TGFBRAP1: variants seen among roughly 807,000 people sequenced by gnomAD.
TGFBRAP1 encodes the protein transforming growth factor-beta receptor-associated protein 1.
TGFBRAP1 carries 20 observed loss-of-function variants against 83.2 expected under a neutral mutation model. The ratio of observed to expected loss-of-function variants is 0.24; its 90% confidence interval spans 0.17 to 0.35. The LOEUF (loss-of-function observed/expected upper bound fraction) is 0.35, where lower values mean the gene tolerates loss of function less well. Ranked by LOEUF, TGFBRAP1 falls within the 10% of genes least tolerant of loss-of-function variation. TGFBRAP1 has a pLI of 1.00. For missense variants in TGFBRAP1, 950 were observed against 1,099.4 expected, an observed-to-expected ratio of 0.86 and a Z score of 1.92; for synonymous variants, 415 against 459.8, an observed-to-expected ratio of 0.90 and a Z score of 1.25.
chr2:105,273,079 C>T, intron 9 of TGFBRAP1, 65 bp from the exon 10 acceptor site: 1 of 1,572,770 alleles, frequency 6.4e-7, no homozygotes, highest in East Asian at 2.2e-5. Context: ...CAAAGCTCTC[C>T]CCTGTCAGCC....
At position 105,269,506 on chromosome 2, in the gene TGFBRAP1, C is replaced by T. The variant is rs760265735; in HGVS notation, c.2172G>A (p.Leu724=). 3 of 1,613,062 alleles carry T rather than the reference C, an allele frequency of 1.9e-6. No individual in the cohort carries two copies. Among genetic ancestry groups the T allele is most frequent in the Non-Finnish European group, 2.5e-6 (3 of 1,179,550 alleles). Residue 724 remains leucine (L), a synonymous_variant, in exon 11 of 12, where the codon CTG becomes CTA. Transcript: ENST00000393359. The surrounding 1 kb of genome is among the most constrained non-coding windows in gnomAD (Gnocchi z 4.1). ...QLFHTLLAIY[L]HAGPTAHELA... ...GCTCGTGGGCAGTGGGGCCAGCATG[C>T]AGGTAGATGGCCAGCAGCGTGTGAA... is the stretch of plus-strand genomic sequence containing the variant.
rs1397987309 is a variant in TGFBRAP1, at chr2:105,269,298, C to T, written c.2380G>A (p.Glu794Lys). 8 of 1,609,752 alleles carry T rather than the reference C, an allele frequency of 5.0e-6. No individual in the cohort carries two copies. Among genetic ancestry groups the T allele is most frequent in the Middle Eastern group, 1.7e-4 (1 of 6,030 alleles). ...TTATCGTAGGTGTAGATTAAGTTTT[C>T]GGACCTGGCCAGGCCGAGAGCCACC... ...MQVALGLARS[E>K]NLIYTYDKMK... is the part of the protein sequence containing the mutation. The change falls in exon 11 of 12, where the codon GAA becomes AAA. Residue 794 changes from glutamate (E) to lysine (K), a missense_variant. Glu to Lys is a moderately conservative substitution (Grantham distance 56). Transcript: ENST00000393359. The surrounding 1 kb of genome is among the most constrained non-coding windows in gnomAD (Gnocchi z 4.1).
chr2:105,269,496 G>A lies in TGFBRAP1; in HGVS notation c.2182C>T (p.Pro728Ser). The change falls in exon 11 of 12, where the codon CCC (proline) becomes TCC (serine). Residue 728 changes from proline to serine, a missense_variant. Pro to Ser is a moderately conservative substitution (Grantham distance 74). Coordinates refer to ENST00000393359, the MANE Select transcript of TGFBRAP1 (RefSeq NM_004257.6). The surrounding 1 kb of genome is among the most constrained non-coding windows in gnomAD (Gnocchi z 4.1). Reference sequence around the variant, plus strand: ...GCCACGGCCAGCTCGTGGGCAGTGGGGCCAGCATGCAGGTAGATGGCCAGC... The same window carrying A: ...GCCACGGCCAGCTCGTGGGCAGTGGAGCCAGCATGCAGGTAGATGGCCAGC... ...TLLAIYLHAG[P>S]TAHELAVAAV... 3 of 1,613,482 alleles carry A rather than the reference G, an allele frequency of 1.9e-6. No homozygotes were observed. Among genetic ancestry groups the A allele is most frequent in the Non-Finnish European group, 2.5e-6 (3 of 1,179,784 alleles).
chr2:105,253,919 C>CT, the TGFBRAP1 span, among the ~76,000 whole-genome samples: 3 of 152,168 alleles, frequency 2.0e-5, no homozygotes, highest in East Asian at 5.8e-4. Flanking sequence ...AGCATCACAA[C>CT]TTTGTGGCCC....
In TGFBRAP1 at chr2:105,267,421, T is replaced by C. The variant is rs185907682; in HGVS notation, c.2545A>G (p.Thr849Ala). ...VHTHCAASRH[T>A]NPSSSSPGTR... The stretch of plus-strand genomic sequence containing the variant: ...CCAGGACTGGATGAGCTGGGGTTTG[T>C]GTGTCTGCTGGCGGCACAGTGGGTG... Residue 849 changes from threonine (T) to alanine (A), a missense_variant, in exon 12 of 12, where the codon ACA becomes GCA. Coordinates refer to ENST00000393359, the MANE Select transcript of TGFBRAP1 (RefSeq NM_004257.6). The C allele has an allele frequency of 1.1e-5, 18 of 1,614,196 alleles. No individual in the cohort carries two copies. The Admixed American group carries it at 1.7e-4, about 15-fold the overall frequency.
At chr2:105,297,676 A>G (rs779425531) in intron 3 of TGFBRAP1, among the ~76,000 whole-genome samples, 2 of 152,232 alleles carry the variant, frequency 1.3e-5, no homozygotes, top group Non-Finnish European at 1.5e-5. Flanking sequence ...AAATCTGAAT[A>G]TTGGCAGGAC....
intron 1 of TGFBRAP1, among the ~76,000 whole-genome samples, chr2:105,312,864 C>A (rs1314038864): frequency 6.6e-6 from 1 of 152,112 alleles, no homozygotes; most frequent in Non-Finnish European, 1.5e-5. Context: ...GTAATCCCAG[C>A]ACTTTGGGAG....
At chr2:105,267,734 T>A (rs1676994890) in intron 11 of TGFBRAP1, 175 bp from the exon 12 acceptor site, 1 of 985,354 alleles carries the variant, frequency 1.0e-6, no homozygotes, top group South Asian at 4.7e-5. Flanking sequence ...AAAACCATCC[T>A]TAGTAACTGG....
At position 105,272,873 on chromosome 2, in the gene TGFBRAP1, G is replaced by A. The variant is rs757045895; in HGVS notation, c.1954C>T (p.Arg652Ter). The A allele has an allele frequency of 8.7e-6, 14 of 1,608,068 alleles. No homozygotes were observed. The highest frequency in any genetic ancestry group is 5.4e-5 in the African/African-American group (4 of 74,718). ...RRLLQKSDLY[R>*]VHFLLERLQG... ...TCCTCACCGAGAAGAAAGTGGACTC[G>A]GTATAAATCAGATTTCTGGAGCAGC... Residue 652 changes from arginine to a stop codon, truncating the protein, a stop_gained, in exon 10 of 12, where the codon CGA (arginine) becomes TGA (stop). Transcript: ENST00000393359. LOFTEE classifies it high-confidence loss of function.
the TGFBRAP1 span, among the ~76,000 whole-genome samples, chr2:105,251,008 A>G: frequency 1.3e-5 from 2 of 151,546 alleles, no homozygotes; most frequent in African/African-American, 2.4e-5. Flanking sequence ...TCGCTACAAC[A>G]TCCACCTCCC....
intron 1 of TGFBRAP1, among the ~76,000 whole-genome samples, chr2:105,328,245 C>G (rs1679275881): frequency 6.6e-6 from 1 of 152,174 alleles, no homozygotes. Flanking sequence ...ACATTCATTA[C>G]CACCACAGAG....
chr2:105,283,639 A>C (rs1468484782), intron 5 of TGFBRAP1, among the ~76,000 whole-genome samples: 3 of 152,176 alleles, frequency 2.0e-5, no homozygotes, highest in South Asian at 2.1e-4. Flanking sequence ...GGGATGGCTA[A>C]CTCCTGCCTC....
At position 105,272,789 on chromosome 2, in the gene TGFBRAP1, C is replaced by G. The variant is rs1677202364; in HGVS notation, c.1972+66G>C. 1.3e-5 allele frequency: 20 copies of G among 1,588,436 alleles called. No individual in the cohort carries two copies. In the South Asian group the frequency reaches 2.2e-4, roughly 18 times the overall value. On this transcript the variant is annotated intron_variant, in intron 10 of 11. Coordinates refer to ENST00000393359, the MANE Select transcript of TGFBRAP1 (RefSeq NM_004257.6). Reference sequence around the variant, plus strand: ...AGCAGCTGTGCCAAAGCCCTTCTCTCTGCTTCCTCCCACCCGCTTGATATG... The same window carrying G: ...AGCAGCTGTGCCAAAGCCCTTCTCTGTGCTTCCTCCCACCCGCTTGATATG...
intron 3 of TGFBRAP1, among the ~76,000 whole-genome samples, chr2:105,297,188 G>A (rs1678118548): frequency 1.3e-5 from 2 of 152,124 alleles, no homozygotes; most frequent in Admixed American, 6.5e-5. Flanking sequence ...GCTCCCTTCT[G>A]CAGAAACTTT....
chr2:105,310,390 C>A (rs1180951644), intron 1 of TGFBRAP1, among the ~76,000 whole-genome samples: 1 of 152,078 alleles, frequency 6.6e-6, no homozygotes, highest in Admixed American at 6.5e-5. Flanking sequence ...ATATGGGTAA[C>A]CTGTTCACCT....
intron 3 of TGFBRAP1, among the ~76,000 whole-genome samples, chr2:105,297,748 T>C (rs1678134423): frequency 1.3e-5 from 2 of 152,360 alleles, no homozygotes; most frequent in Middle Eastern, 3.4e-3. Context: ...ATTGTGGTTT[T>C]GTAGGAAAAT....
chr2:105,308,801 A>G (rs752509721), intron 1 of TGFBRAP1, among the ~76,000 whole-genome samples: 1 of 152,198 alleles, frequency 6.6e-6, no homozygotes, highest in Non-Finnish European at 1.5e-5. Context: ...AAAAGGCAGA[A>G]ATGATCCTCA....
intron 4 of TGFBRAP1, among the ~76,000 whole-genome samples, chr2:105,287,919 G>A (rs571998642): frequency 7.9e-5 from 12 of 152,094 alleles, no homozygotes; most frequent in African/African-American, 2.2e-4. Flanking sequence ...ACAACCACAC[G>A]ATGGCAGCAC....
intron 1 of TGFBRAP1, among the ~76,000 whole-genome samples, chr2:105,312,973 G>T (rs972761703): frequency 3.3e-5 from 5 of 152,166 alleles, no homozygotes; most frequent in Admixed American, 3.3e-4. Flanking sequence ...TTAGCCAGGC[G>T]TGATGGCACA....
Sources: gnomAD v4.1 joint callset for allele counts (sites outside exome capture counted in the v4.1 genomes callset) on GRCh38, gnomAD v4.1.1 for gene constraint, Gnocchi (gnomAD v3.1) non-coding constraint, MANE v1.5 for transcripts, NCBI Gene and HGNC (gene_info 2026-07-23, HGNC 2026-07-21) for gene names.